CMIP: variants seen among roughly 807,000 people sequenced by gnomAD.
CMIP encodes C-Maf-inducing protein.
Under a neutral mutation model 97.3 loss-of-function variants are expected in CMIP, and 13 were observed. The observed-to-expected ratio is 0.13, with a 90% CI of 0.09 to 0.21. The LOEUF (loss-of-function observed/expected upper bound fraction) is 0.21. CMIP is among the 10% of genes least tolerant of loss of function. CMIP has a pLI of 1.00. For synonymous variants in CMIP, 538 were observed against 436.3 expected, an observed-to-expected ratio of 1.23 and a Z score of -2.91; for missense variants, 847 against 1,024.9, an observed-to-expected ratio of 0.83 and a Z score of 2.37.
intron 7 of CMIP, chr16:81,664,635 CTG>C (rs1161821909): frequency 6.9e-6 from 4 of 576,604 alleles, no homozygotes; most frequent in Non-Finnish European, 9.2e-6. Flanking sequence ...CAAATAATGT[CTG>C]TAGATGCCCT....
chr16:81,634,711 T>C (rs1419514532), intron 3 of CMIP, among the ~76,000 whole-genome samples: 2 of 152,200 alleles, frequency 1.3e-5, no homozygotes, highest in African/African-American at 2.4e-5. Flanking sequence ...TGAACATTAA[T>C]TTATTAAAGA....
chr16:81,649,018 C>G (rs2092397594), intron 3 of CMIP, among the ~76,000 whole-genome samples: 3 of 152,122 alleles, frequency 2.0e-5, no homozygotes, highest in Admixed American at 1.3e-4. Context: ...CTCTCCCCAC[C>G]AGTATTTCCT....
Position 81,545,659 on chromosome 16 carries a change from G to A in CMIP, c.301-61908G>A, listed in dbSNP as rs192010566. On this transcript the variant is annotated intron_variant, in intron 1 of 20. Transcript: ENST00000537098. ...ACCTGCGATGCTCACGGTAAAACTA[G>A]GGCAAGTTACTACTTGACTGATCTG... Among the ~76,000 whole-genome samples, 41 of 152,252 alleles carry A rather than the reference G, an allele frequency of 2.7e-4. No homozygotes were observed. In the East Asian group the frequency reaches 7.7e-3, roughly 29 times the overall value.
At chr16:81,671,816 A>G (rs989758606) in intron 8 of CMIP, 150 bp from the exon 9 acceptor site, 5 of 551,494 alleles carry the variant, frequency 9.1e-6, no homozygotes, top group Non-Finnish European at 1.6e-5. Flanking sequence ...GGTGCCACCA[A>G]TTGCACAGTG....
chr16:81,708,818 G>A (rs1290425959), intron 20 of CMIP, among the ~76,000 whole-genome samples: 1 of 152,228 alleles, frequency 6.6e-6, no homozygotes, highest in African/African-American at 2.4e-5. Context: ...TGTAACCTCT[G>A]CCTGGGCAGT....
intron 1 of CMIP, among the ~76,000 whole-genome samples, chr16:81,457,963 C>G (rs563351396): frequency 6.6e-6 from 1 of 152,356 alleles, no homozygotes; most frequent in East Asian, 1.9e-4. Flanking sequence ...CCTCGCTGTC[C>G]CTGCCTTCGC....
intron 1 of CMIP, among the ~76,000 whole-genome samples, chr16:81,503,260 A>G (rs540715925): frequency 1.3e-5 from 2 of 152,298 alleles, no homozygotes; most frequent in South Asian, 2.1e-4. Flanking sequence ...GCCCTGGGTC[A>G]TCATCTGTGG....
chr16:81,515,526 G>A (rs771874250), intron 1 of CMIP, among the ~76,000 whole-genome samples: 2 of 152,190 alleles, frequency 1.3e-5, no homozygotes, highest in Non-Finnish European at 1.5e-5. Context: ...ACAGGGCCAG[G>A]GCTGGGGATA....
At chr16:81,471,569 A>G (rs1474109219) in intron 1 of CMIP, among the ~76,000 whole-genome samples, 1 of 149,546 alleles carries the variant, frequency 6.7e-6, no homozygotes, top group Non-Finnish European at 1.5e-5. Context: ...ACACACATGC[A>G]TACACAAATA....
chr16:81,594,941 T>C (rs776479319), intron 1 of CMIP, among the ~76,000 whole-genome samples: 1 of 151,912 alleles, frequency 6.6e-6, no homozygotes, highest in Non-Finnish European at 1.5e-5. Flanking sequence ...ATACCTATGA[T>C]AAAGTTTAAT....
In CMIP at chr16:81,660,743, G is replaced by C. The variant is rs1232184821; in HGVS notation, c.682-141G>C. 40 of 876,628 alleles carry C rather than the reference G, an allele frequency of 4.6e-5. No individual in the cohort carries two copies. In the East Asian group the frequency reaches 1.0e-3, roughly 23 times the overall value. The allele number at this position is 876,628 out of a possible 1,614,324, so 54.3% of individuals were successfully genotyped here. On this transcript the variant is annotated intron_variant, in intron 5 of 20. Transcript: ENST00000537098. ...GATTTTTTCTTTTCTTTTTTTTTCT[G>C]CTTTTAATATGAATGATGTGATGCA...
At chr16:81,572,994 T>A (rs1471940464) in intron 1 of CMIP, among the ~76,000 whole-genome samples, 1 of 152,136 alleles carries the variant, frequency 6.6e-6, no homozygotes, top group Admixed American at 6.5e-5. Context: ...TAACCAATAA[T>A]AAAATGAAAT....
intron 1 of CMIP, among the ~76,000 whole-genome samples, chr16:81,597,505 T>C (rs1214703043): frequency 6.7e-6 from 1 of 150,266 alleles, no homozygotes; most frequent in Non-Finnish European, 1.5e-5. Context: ...ATGAGAGTGA[T>C]GCAATACCTT....
chr16:81,460,168 T>TCCAGCCTTTGCCTTGGAAACC (rs1225453017), intron 1 of CMIP, among the ~76,000 whole-genome samples: 13 of 152,136 alleles, frequency 8.5e-5, no homozygotes, highest in African/African-American at 2.9e-4. Context: ...TTCTATTCTT[T>TCCAGCCTTTGCCTTGGAAACC]CCAGCCTTTG....
rs532195227 is a variant in CMIP, at chr16:81,597,428, C to T, written c.301-10139C>T. 2.6e-5 allele frequency among the ~76,000 whole-genome samples: 4 copies of T among 152,326 alleles called. No homozygotes were observed. In the South Asian group the frequency reaches 8.3e-4, roughly 32 times the overall value. On this transcript the variant is annotated intron_variant, in intron 1 of 20. Transcript: ENST00000537098. The stretch of plus-strand genomic sequence containing the variant: ...AGGTCTTGGTTTTCTTCCCAGCTCT[C>T]TCCTGAATAGCTGTGTGCGGTTGGT...
intron 10 of CMIP, among the ~76,000 whole-genome samples, chr16:81,690,503 T>C (rs1905935084): frequency 6.6e-6 from 1 of 152,064 alleles, no homozygotes; most frequent in African/African-American, 2.4e-5. Context: ...TCCTAGCACT[T>C]TGAGTTATTT....
chr16:81,493,900 G>A (rs563734361), intron 1 of CMIP, among the ~76,000 whole-genome samples: 3 of 152,316 alleles, frequency 2.0e-5, no homozygotes, highest in South Asian at 2.1e-4. Context: ...GTCACCCGCC[G>A]TTTCATGTTT....
chr16:81,709,856 A>T lies in CMIP; in HGVS notation c.*57A>T. On this transcript the variant is annotated 3_prime_UTR_variant, in exon 21 of 21. Transcript: ENST00000537098. ...AACCGCGACAAAATAACTCTTGACT[A>T]ACAGCCGCAGAGCAGCCGGTCCTGG... is the stretch of plus-strand genomic sequence containing the variant. The T allele has an allele frequency of 7.1e-7, 1 of 1,413,478 alleles. No homozygotes were observed. 87.6% of individuals were successfully genotyped at this position (1,413,478 alleles called of 1,614,324 possible). A position where few individuals can be genotyped will look rare whatever the true frequency, so the allele number is the denominator to read the frequency against.
intron 1 of CMIP, among the ~76,000 whole-genome samples, chr16:81,548,211 GC>G (rs1333900645): frequency 6.8e-6 from 1 of 146,442 alleles, no homozygotes; most frequent in Admixed American, 7.0e-5. Context: ...ATGGCGCACT[GC>G]AGCCTCGACT....
Sources: allele counts gnomAD v4.1 joint callset (sites outside exome capture counted in the v4.1 genomes callset), GRCh38; gene constraint gnomAD v4.1.1; transcripts MANE v1.5; gene names NCBI Gene and HGNC (gene_info 2026-07-23, HGNC 2026-07-21).